SNX31: variants seen among roughly 807,000 people sequenced by gnomAD.
SNX31 encodes sorting nexin-31.
A neutral mutation model predicts 65.4 loss-of-function variants in SNX31; 58 were observed. The observed-to-expected ratio is 0.89, with a 90% CI of 0.72 to 1.10. The LOEUF (loss-of-function observed/expected upper bound fraction) is 1.10, where lower values mean the gene tolerates loss of function less well. SNX31 is among the 50% of genes least tolerant of loss of function. The pLI is 0.00. For synonymous variants in SNX31, 181 were observed against 190.1 expected, an observed-to-expected ratio of 0.95 and a Z score of 0.39; for missense variants, 523 against 529.7, an observed-to-expected ratio of 0.99 and a Z score of 0.12.
intron 7 of SNX31, among the ~76,000 whole-genome samples, chr8:100,611,383 T>C (rs1055658007): frequency 2.0e-5 from 3 of 152,146 alleles, no homozygotes; most frequent in Admixed American, 2.0e-4. Context: ...TTTTCAAGTC[T>C]TACTTTCTTG....
chr8:100,656,176 C>G (rs1293366144), intron 1 of SNX31, among the ~76,000 whole-genome samples: 1 of 152,118 alleles, frequency 6.6e-6, no homozygotes, highest in Non-Finnish European at 1.5e-5. Flanking sequence ...AAGACAGAGG[C>G]CTAGGCAAGG....
intron 8 of SNX31, among the ~76,000 whole-genome samples, chr8:100,602,756 G>A (rs921871781): frequency 2.0e-4 from 31 of 152,140 alleles, no homozygotes; most frequent in Non-Finnish European, 7.4e-5. Flanking sequence ...GAAGAAACTG[G>A]ACAAAGAGAT....
At chr8:100,599,185 A>G (rs1038978986) in intron 9 of SNX31, among the ~76,000 whole-genome samples, 6 of 152,388 alleles carry the variant, frequency 3.9e-5, no homozygotes, top group African/African-American at 1.4e-4. Context: ...TAGCATTATT[A>G]CAAATAGTAT....
chr8:100,611,856 T>C (rs1314615137), intron 7 of SNX31, 144 bp downstream of exon 7: 3 of 653,868 alleles, frequency 4.6e-6, no homozygotes, highest in Non-Finnish European at 8.1e-6. Context: ...GCACCTGGCC[T>C]TCATTGCTTT....
At chr8:100,650,006 C>G (rs954407942), upstream of SNX31, among the ~76,000 whole-genome samples, 8 of 152,182 alleles carry the variant, frequency 5.3e-5, no homozygotes, top group African/African-American at 1.9e-4. Flanking sequence ...GCAATATATG[C>G]AACCTTGCTT....
In SNX31 at chr8:100,625,797, A is replaced by G. The variant is rs1305164654; in HGVS notation, c.321+4530T>C. Among the ~76,000 whole-genome samples, 1 of 152,020 alleles carries G rather than the reference A, an allele frequency of 6.6e-6. No homozygotes were observed. Among genetic ancestry groups the G allele is most frequent in the Middle Eastern group, 3.2e-3 (1 of 316 alleles). On this transcript the variant is annotated intron_variant, in intron 4 of 13. Coordinates refer to ENST00000311812, the MANE Select transcript of SNX31 (RefSeq NM_152628.4). This position sits in a 1 kb window ranked among gnomAD's most constrained non-coding sequence, Gnocchi z 4.2. The stretch of plus-strand genomic sequence containing the variant: ...GGTGCTCAGCCTGTCTGAGAGCGCT[A>G]CTCCGGGCCCCACTGGACACCACCT...
In SNX31 at chr8:100,617,787, C is replaced by T. The variant is rs1210680086; in HGVS notation, c.322-57G>A. 58 of 1,283,256 alleles carry T rather than the reference C, an allele frequency of 4.5e-5. No individual in the cohort carries two copies. The Middle Eastern group carries it at 7.8e-4, about 17-fold the overall frequency. 79.5% of individuals were successfully genotyped at this position (1,283,256 alleles called of 1,614,324 possible). On this transcript the variant is annotated intron_variant, in intron 4 of 13. Transcript: ENST00000311812. ...CACACCTTTTTTTTTTTTTTGGAGG[C>T]GGAGTCTCACTCTGTTGCCCAGGCT...
At chr8:100,631,470 C>T (rs1281255946) in intron 3 of SNX31, among the ~76,000 whole-genome samples, 4 of 134,510 alleles carry the variant, frequency 3.0e-5, no homozygotes, top group African/African-American at 1.2e-4. Flanking sequence ...TGGAGTCTTG[C>T]TCTGTCACCC....
rs1818758931 is a variant in SNX31, at chr8:100,636,144, G to T, written c.142-133C>A. The T allele has an allele frequency of 5.6e-5, 34 of 609,258 alleles. 2 individuals are homozygous for T. In the South Asian group the frequency reaches 7.7e-4, roughly 14 times the overall value. 37.7% of individuals were successfully genotyped at this position (609,258 alleles called of 1,614,324 possible). On this transcript the variant is annotated intron_variant, in intron 2 of 13. Coordinates refer to ENST00000311812, the MANE Select transcript of SNX31 (RefSeq NM_152628.4). ...AATTAAGCTTTCCTGGTAGCCCAAA[G>T]GGGGAAAAGAGGACAATCTGATTTT... is the stretch of plus-strand genomic sequence containing the variant.
intron 5 of SNX31, 135 bp downstream of exon 5, chr8:100,617,485 C>A: frequency 1.7e-6 from 1 of 582,226 alleles, no homozygotes. Flanking sequence ...AATGCCAGTA[C>A]CTCTGCAGAT....
intron 5 of SNX31, 91 bp downstream of exon 5, chr8:100,617,529 C>G (rs1817319772): frequency 3.5e-6 from 3 of 864,540 alleles, no homozygotes; most frequent in Non-Finnish European, 5.6e-6. Flanking sequence ...AGGCCAGAAG[C>G]TCCTGGAAGG....
intron 10 of SNX31, among the ~76,000 whole-genome samples, chr8:100,591,950 G>T (rs530111926): frequency 6.6e-6 from 1 of 152,262 alleles, no homozygotes; most frequent in East Asian, 1.9e-4. Context: ...AATTTGCAAC[G>T]TTTAGCATGC....
intron 5 of SNX31, among the ~76,000 whole-genome samples, chr8:100,615,029 T>C (rs1817049773): frequency 6.6e-6 from 1 of 152,218 alleles, no homozygotes; most frequent in Admixed American, 6.5e-5. Flanking sequence ...TATGGTTTTA[T>C]GCAAGCTAGA....
rs561414031 is a variant in SNX31 at position 100,610,714 on chromosome 8, G to A, written c.611+1286C>T. 2.0e-5 allele frequency among the ~76,000 whole-genome samples: 3 copies of A among 152,216 alleles called. No individual in the cohort carries two copies. In the South Asian group the frequency reaches 6.2e-4, roughly 32 times the overall value. ...AACTGAGTTCTTCTCCCCTTCTCAGGGTTTCACATCTCAAGATCTGGACCA... is the reference window on the plus strand; with the variant it reads ...AACTGAGTTCTTCTCCCCTTCTCAGAGTTTCACATCTCAAGATCTGGACCA... On this transcript the variant is annotated intron_variant, in intron 7 of 13. Coordinates refer to ENST00000311812, the MANE Select transcript of SNX31 (RefSeq NM_152628.4). The surrounding 1 kb of genome is among the most constrained non-coding windows in gnomAD (Gnocchi z 4.0).
At chr8:100,596,304 G>A (rs753114896) in intron 10 of SNX31, among the ~76,000 whole-genome samples, 1 of 152,188 alleles carries the variant, frequency 6.6e-6, no homozygotes, top group Non-Finnish European at 1.5e-5. Context: ...CAGTCTTGAA[G>A]GGTAGAGACC....
At chr8:100,584,636 A>G (rs908097810) in intron 11 of SNX31, among the ~76,000 whole-genome samples, 2 of 152,084 alleles carry the variant, frequency 1.3e-5, no homozygotes, top group Non-Finnish European at 2.9e-5. Flanking sequence ...TGGGCATAAA[A>G]GTAACTGGTT....
intron 2 of SNX31, among the ~76,000 whole-genome samples, chr8:100,641,565 A>AAAAATATATAT (rs1554587369): frequency 9.3e-5 from 3 of 32,104 alleles, no homozygotes; most frequent in Non-Finnish European, 1.6e-4. Flanking sequence ...AAAAAAAAAA[A>AAAAATATATAT]ATATATATAT....
chr8:100,573,507 A>C lies in SNX31; in HGVS notation c.*358T>G, dbSNP rs1812789040. 1 of 161,254 alleles carries C rather than the reference A, an allele frequency of 6.2e-6. No homozygotes were observed. Among genetic ancestry groups the C allele is most frequent in the African/African-American group, 2.4e-5 (1 of 41,838 alleles). 10.0% of individuals were successfully genotyped at this position (161,254 alleles called of 1,614,324 possible). On this transcript the variant is annotated 3_prime_UTR_variant, in exon 14 of 14. Transcript: ENST00000311812. Reference sequence around the variant, plus strand: ...AAATTCAAAACACATAAAAGACTTCATGAAGCCATATAAAGATCTATTTTA... The same window carrying C: ...AAATTCAAAACACATAAAAGACTTCCTGAAGCCATATAAAGATCTATTTTA...
At position 100,610,580 on chromosome 8, in the gene SNX31, A is replaced by G. The variant is rs1217292968; in HGVS notation, c.611+1420T>C. Among the ~76,000 whole-genome samples the G allele has an allele frequency of 2.0e-5, 3 of 152,228 alleles. No homozygotes were observed. The highest frequency in any genetic ancestry group is 2.9e-5 in the Non-Finnish European group (2 of 68,038). On this transcript the variant is annotated intron_variant, in intron 7 of 13. Transcript: ENST00000311812. This position sits in a 1 kb window ranked among gnomAD's most constrained non-coding sequence, Gnocchi z 4.0. ...GCTAGGTTTACGCAGCTAAGACCTG[A>G]GCAAGGCGCAACTTAGATTCACATA...
Sources: allele counts gnomAD v4.1 joint callset (sites outside exome capture counted in the v4.1 genomes callset), GRCh38; gene constraint gnomAD v4.1.1; non-coding constraint Gnocchi (gnomAD v3.1); transcripts MANE v1.5; gene names NCBI Gene and HGNC (gene_info 2026-07-23, HGNC 2026-07-21).